The following RAB2B variants were observed in gnomAD, a reference collection of about 807,000 sequenced individuals.
RAB2B encodes the protein RAB2B, member RAS oncogene family.
Under a neutral mutation model 29.8 loss-of-function variants are expected in RAB2B, and 20 were observed. The observed-to-expected ratio is 0.67, with a 90% CI of 0.47 to 0.97. The LOEUF is 0.97. Ranked by LOEUF, RAB2B falls within the 50% of genes least tolerant of loss-of-function variation. The pLI, the probability that RAB2B is intolerant of heterozygous loss-of-function variation, is 0.00. For synonymous variants in RAB2B, 93 were observed against 91.7 expected (o/e 1.01, Z -0.08); for missense variants, 218 against 272.0 (o/e 0.80, Z 1.40).
chr14:21,461,065 T>C lies in RAB2B; in HGVS notation c.*131A>G. ...TAAGGGCCCAAATTCTCTCCTGGTC[T>C]TTAGGTGGAAAGGCAAAACATCACA... is the stretch of plus-strand genomic sequence containing the variant. On this transcript the variant is annotated 3_prime_UTR_variant, in exon 8 of 8. Coordinates refer to ENST00000397762, the MANE Select transcript of RAB2B (RefSeq NM_032846.4). The C allele has an allele frequency of 1.5e-6, 1 of 669,930 alleles. No individual in the cohort carries two copies. The highest frequency in any genetic ancestry group is 2.7e-5 in the East Asian group (1 of 36,584). The allele number at this position is 669,930 out of a possible 1,614,324, so 41.5% of individuals were successfully genotyped here.
In RAB2B at chr14:21,461,161, T is replaced by A; in HGVS notation, c.*35A>T. 1 of 1,448,838 alleles carries A rather than the reference T, an allele frequency of 6.9e-7. No homozygotes were observed. The highest frequency in any genetic ancestry group is 1.4e-5 in the African/African-American group (1 of 71,182). The allele number at this position is 1,448,838 out of a possible 1,614,324, so 89.7% of individuals were successfully genotyped here. The stretch of plus-strand genomic sequence containing the variant: ...CATTAAGCCTATTGATCTGAAGCTA[T>A]TCCAGGAAGGACAAAAAAAGTTCAA... On this transcript the variant is annotated 3_prime_UTR_variant, in exon 8 of 8. Transcript: ENST00000397762.
At chr14:21,463,413 G>A (rs73581408) in intron 6 of RAB2B, among the ~76,000 whole-genome samples, 29,984 of 151,680 alleles carry the variant, frequency 0.2, 3,883 homozygotes, top group African/African-American at 0.36. Flanking sequence ...TGACCAGCTA[G>A]TTTTTTGTAT....
chr14:21,476,487 CA>C (rs746253869), intron 2 of RAB2B, 40 bp downstream of exon 2: 1 of 1,610,916 alleles, frequency 6.2e-7, no homozygotes, highest in Non-Finnish European at 8.5e-7. Context: ...TTTAGCTAGT[CA>C]GGTTTTATCA....
At position 21,459,309 on chromosome 14, in the gene RAB2B, A is replaced by AG. The variant is rs1272599964; in HGVS notation, c.*1886dup. ...CCTCATGGAATGGAGGCAAAAAGCC[A>AG]GGGAAAGGTGGGAGGGGAGAAGGAA... On this transcript the variant is annotated 3_prime_UTR_variant, in exon 8 of 8. Coordinates refer to ENST00000397762, the MANE Select transcript of RAB2B (RefSeq NM_032846.4). 1 of 152,256 alleles carries AG rather than the reference A, an allele frequency of 6.6e-6. No homozygotes were observed. The highest frequency in any genetic ancestry group is 2.4e-5 in the African/African-American group (1 of 41,470). The allele number at this position is 152,256 out of a possible 1,614,324, so 9.4% of individuals were successfully genotyped here. A position where few individuals can be genotyped will look rare whatever the true frequency, so the allele number is the denominator to read the frequency against.
chr14:21,464,324 T>C (rs59852035), intron 5 of RAB2B, among the ~76,000 whole-genome samples: 30,109 of 151,980 alleles, frequency 0.2, 3,910 homozygotes, highest in African/African-American at 0.36. Flanking sequence ...TGCTTGAACA[T>C]GGGAGGCGGA....
chr14:21,476,762 C>T (rs1213252222), intron 1 of RAB2B, 65 bp downstream of exon 1: 2 of 1,602,646 alleles, frequency 1.2e-6, no homozygotes, highest in East Asian at 4.5e-5. Context: ...GCCCCGCCCC[C>T]GCCACCCAAT....
At position 21,461,228 on chromosome 14, in the gene RAB2B, G is replaced by C. The variant is rs140211092; in HGVS notation, c.619C>G (p.Arg207Gly). The part of the protein sequence containing the change: ...VGPSASQRNS[R>G]DIGSNSGCC ...CAGCCAGAGTTGGACCCTATGTCACGAGAGTTCCGCTGGGAGGCACTGGGT... is the reference window on the plus strand; with the variant it reads ...CAGCCAGAGTTGGACCCTATGTCACCAGAGTTCCGCTGGGAGGCACTGGGT... Residue 207 changes from arginine to glycine, a missense_variant, in exon 8 of 8, where the codon CGT (arginine) becomes GGT (glycine). Physicochemically the swap from Arg to Gly is moderately radical, Grantham distance 125 (BLOSUM62 -2). Coordinates refer to ENST00000397762, the MANE Select transcript of RAB2B (RefSeq NM_032846.4). The C allele has an allele frequency of 3.1e-6, 5 of 1,613,714 alleles. No individual in the cohort carries two copies. The highest frequency in any genetic ancestry group is 4.2e-6 in the Non-Finnish European group (5 of 1,179,766).
rs1023310197 is a variant in RAB2B, at chr14:21,473,628, C to T, written c.186+1239G>A. On this transcript the variant is annotated intron_variant, in intron 3 of 7. Coordinates refer to ENST00000397762, the MANE Select transcript of RAB2B (RefSeq NM_032846.4). ...GGGCACTGTGGCTCACGCCTGTAAT[C>T]CCAGCATTTTGAGAGGCCTAGGTGG... is the stretch of plus-strand genomic sequence containing the variant. Among the ~76,000 whole-genome samples, 3 of 152,304 alleles carry T rather than the reference C, an allele frequency of 2.0e-5. No homozygotes were observed. In the South Asian group the frequency reaches 6.2e-4, roughly 32 times the overall value.
chr14:21,468,158 T>G (rs1203803473), intron 5 of RAB2B, among the ~76,000 whole-genome samples, 199 bp downstream of exon 5: 1 of 152,168 alleles, frequency 6.6e-6, no homozygotes, highest in Non-Finnish European at 1.5e-5. Flanking sequence ...GAACAATGGA[T>G]ATTCTTAATG....
chr14:21,473,763 G>A (rs1406211376), intron 3 of RAB2B, among the ~76,000 whole-genome samples: 3 of 151,958 alleles, frequency 2.0e-5, no homozygotes, highest in Non-Finnish European at 2.9e-5. Context: ...CTGTAATCCC[G>A]GCACTTTGGG....
intron 3 of RAB2B, among the ~76,000 whole-genome samples, chr14:21,470,071 G>C (rs1460338202): frequency 6.6e-6 from 1 of 150,804 alleles, no homozygotes; most frequent in Non-Finnish European, 1.5e-5. Context: ...CCTTGCTTCA[G>C]CCTCCCAATT....
At chr14:21,473,938 G>A (rs1488078931) in intron 3 of RAB2B, among the ~76,000 whole-genome samples, 1 of 152,156 alleles carries the variant, frequency 6.6e-6, no homozygotes, top group South Asian at 2.1e-4. Flanking sequence ...CACGAACCCG[G>A]GAGGCGGAGC....
In RAB2B at chr14:21,459,938, A is replaced by C. The variant is rs575827778; in HGVS notation, c.*1258T>G. 1 of 324,424 alleles carries C rather than the reference A, an allele frequency of 3.1e-6. No individual in the cohort carries two copies. The highest frequency in any genetic ancestry group is 7.5e-5 in the East Asian group (1 of 13,310). 20.1% of individuals were successfully genotyped at this position (324,424 alleles called of 1,614,324 possible). On this transcript the variant is annotated 3_prime_UTR_variant, in exon 8 of 8. Coordinates refer to ENST00000397762, the MANE Select transcript of RAB2B (RefSeq NM_032846.4). The stretch of plus-strand genomic sequence containing the variant: ...ACTACAATGTTAGATCTGGCCCCTA[A>C]AATAAAATGAACAGGGAACAAATGT...
chr14:21,468,768 G>A lies in RAB2B; in HGVS notation c.187-16C>T. ...CTTGCCCAGCCTTTCCCACCAACAT[G>A]GCAACAAAAAATCCCAACAAAACCA... is the stretch of plus-strand genomic sequence containing the variant. On this transcript the variant is annotated splice_polypyrimidine_tract_variant and intron_variant, in intron 3 of 7. Transcript: ENST00000397762. The A allele has an allele frequency of 6.7e-7, 1 of 1,498,266 alleles. No individual in the cohort carries two copies. The highest frequency in any genetic ancestry group is 8.9e-7 in the Non-Finnish European group (1 of 1,121,316). The allele number at this position is 1,498,266 out of a possible 1,614,324, so 92.8% of individuals were successfully genotyped here.
At position 21,462,832 on chromosome 14, in the gene RAB2B, A is replaced by G. The variant is rs1890593814; in HGVS notation, c.475-414T>C. 2.9e-5 allele frequency among the ~76,000 whole-genome samples: 4 copies of G among 138,120 alleles called. No homozygotes were observed. The Admixed American group carries it at 3.0e-4, about 10-fold the overall frequency. 90.6% of individuals were successfully genotyped at this position (138,120 alleles called of 152,430 possible). The stretch of plus-strand genomic sequence containing the variant: ...CAGCCTGGGTGACAGAACGAGACTC[A>G]GTCTAAAAAAAAAAAAAAAAAAAAT... On this transcript the variant is annotated intron_variant, in intron 6 of 7. Transcript: ENST00000397762.
chr14:21,467,998 G>A (rs910426432), intron 5 of RAB2B, among the ~76,000 whole-genome samples: 3 of 152,022 alleles, frequency 2.0e-5, no homozygotes, highest in African/African-American at 7.2e-5. Flanking sequence ...TGAGGTACCA[G>A]TAGTAGTCAA....
chr14:21,473,088 G>A (rs559162534), intron 3 of RAB2B, among the ~76,000 whole-genome samples: 1 of 144,202 alleles, frequency 6.9e-6, no homozygotes, highest in African/African-American at 2.9e-5. Context: ...AGAGATAGAC[G>A]GATAGATGGA....
intron 3 of RAB2B, among the ~76,000 whole-genome samples, chr14:21,471,958 G>A (rs930623492): frequency 1.3e-5 from 2 of 152,012 alleles, no homozygotes; most frequent in African/African-American, 2.4e-5. Context: ...TTACAGGCAT[G>A]AGCCACGACA....
At chr14:21,468,292 G>T in intron 5 of RAB2B, 65 bp downstream of exon 5, 1 of 1,268,172 alleles carries the variant, frequency 7.9e-7, no homozygotes, top group Non-Finnish European at 1.1e-6. Context: ...AAAGTTTGGG[G>T]ATCAATGTGC....
Sources: gnomAD v4.1 joint callset for allele counts (sites outside exome capture counted in the v4.1 genomes callset) on GRCh38, gnomAD v4.1.1 for gene constraint, MANE v1.5 for transcripts, NCBI Gene and HGNC (gene_info 2026-07-23, HGNC 2026-07-21) for gene names.